The following VWA5B1 variants were observed in gnomAD, a reference collection of about 807,000 sequenced individuals.
The protein encoded by VWA5B1 is von Willebrand factor A domain-containing protein 5B1.
A neutral mutation model predicts 118.2 loss-of-function variants in VWA5B1; 115 were observed. The ratio of observed to expected loss-of-function variants is 0.97; its 90% confidence interval spans 0.84 to 1.14. VWA5B1 has a LOEUF of 1.14. VWA5B1 is among the 50% of genes most tolerant of loss of function. VWA5B1 has a pLI of 0.00. For synonymous variants in VWA5B1, 682 were observed against 658.4 expected, an observed-to-expected ratio of 1.04 and a Z score of -0.55; for missense variants, 1,596 against 1,603.8, an observed-to-expected ratio of 1.00 and a Z score of 0.08.
chr1:20,311,312 A>G (rs779464159), intron 2 of VWA5B1, among the ~76,000 whole-genome samples: 2 of 152,198 alleles, frequency 1.3e-5, no homozygotes, highest in Non-Finnish European at 2.9e-5. Flanking sequence ...CACTGTCCAC[A>G]GGTCAGTCCC....
chr1:20,307,181 A>G (rs1483575743), intron 1 of VWA5B1, among the ~76,000 whole-genome samples: 1 of 152,078 alleles, frequency 6.6e-6, no homozygotes. Flanking sequence ...GACAAGCCCC[A>G]CTCACACCAG....
In VWA5B1 at chr1:20,318,639, C is replaced by T; in HGVS notation, c.759C>T (p.Ala253=). The T allele has an allele frequency of 6.4e-7, 1 of 1,550,880 alleles. No individual in the cohort carries two copies. Among genetic ancestry groups the T allele is most frequent in the Non-Finnish European group, 8.7e-7 (1 of 1,146,594 alleles). Residue 253 remains alanine (A), a synonymous_variant, in exon 6 of 22, where the codon GCC becomes GCT. Transcript: ENST00000289815. ...TTCGTGCCGACGCCGCCCCATCTGC[C>T]CGCTCGGCCAAGAGCATCATCATCA... is the stretch of plus-strand genomic sequence containing the variant. ...HEIRADAAPS[A]RSAKSIIITL...
intron 17 of VWA5B1, among the ~76,000 whole-genome samples, chr1:20,347,902 G>GA (rs1186389717): frequency 6.6e-6 from 1 of 152,120 alleles, no homozygotes; most frequent in Non-Finnish European, 1.5e-5. Context: ...GAATGTTCCT[G>GA]AAAAAACTGG....
chr1:20,329,549 T>G (rs113591135), intron 9 of VWA5B1, among the ~76,000 whole-genome samples: 14 of 152,284 alleles, frequency 9.2e-5, no homozygotes, highest in African/African-American at 3.1e-4. Flanking sequence ...CCTCAAGTGA[T>G]CCACCTGCCT....
In VWA5B1 at chr1:20,319,446, C is replaced by T. The variant is rs1467089762; in HGVS notation, c.906C>T (p.His302=). The T allele has an allele frequency of 1.3e-6, 2 of 1,551,748 alleles. No homozygotes were observed. Among genetic ancestry groups the T allele is most frequent in the South Asian group, 1.2e-5 (1 of 84,058 alleles). Residue 302 remains histidine, a synonymous_variant, in exon 7 of 22, where the codon CAC becomes CAT. Transcript: ENST00000289815. ...GDMTLGEFDQ[H]LKGRTDFIKG... Reference sequence around the variant, plus strand: ...TGACCCTGGGAGAGTTTGACCAGCACTTGAAGGGAAGAACAGATTTCATTA... The same window carrying T: ...TGACCCTGGGAGAGTTTGACCAGCATTTGAAGGGAAGAACAGATTTCATTA...
chr1:20,315,368 G>A (rs1359205928), intron 4 of VWA5B1, among the ~76,000 whole-genome samples: 1 of 152,230 alleles, frequency 6.6e-6, no homozygotes, highest in South Asian at 2.1e-4. Context: ...CATTAAGAGG[G>A]TTTTTGACAG....
In VWA5B1 at chr1:20,291,361, C is replaced by CTTTCTT. The variant is rs1444209981; in HGVS notation, c.-27+274_-27+275insTTCTTT. ...TCTCTCTTTCTTTCTTTCTTTCTTT[C>CTTTCTT]TCTCTCTCTCTCTCTCTCTCTCTCT... is the stretch of plus-strand genomic sequence containing the variant. On this transcript the variant is annotated intron_variant, in intron 1 of 21. Transcript: ENST00000289815. 9.1e-3 allele frequency among the ~76,000 whole-genome samples: 1,239 copies of CTTTCTT among 135,676 alleles called. 17 individuals carry two copies. Among genetic ancestry groups the CTTTCTT allele is most frequent in the African/African-American group, 0.033 (1,151 of 34,566 alleles). 89.0% of individuals were successfully genotyped at this position (135,676 alleles called of 152,430 possible). A position where few individuals can be genotyped will look rare whatever the true frequency, so the allele number is the denominator to read the frequency against.
At chr1:20,347,805 G>A (rs2090039417) in intron 17 of VWA5B1, among the ~76,000 whole-genome samples, 1 of 151,732 alleles carries the variant, frequency 6.6e-6, no homozygotes, top group Admixed American at 6.6e-5. Context: ...AACCCCTCTT[G>A]GTGATGCCCT....
intron 12 of VWA5B1, among the ~76,000 whole-genome samples, chr1:20,333,435 C>T (rs2089628427): frequency 1.3e-5 from 2 of 152,228 alleles, no homozygotes; most frequent in Admixed American, 1.3e-4. Flanking sequence ...TAAGATCGTG[C>T]CATTGCACTC....
intron 1 of VWA5B1, among the ~76,000 whole-genome samples, chr1:20,306,696 C>T (rs1334682955): frequency 6.6e-6 from 1 of 152,100 alleles, no homozygotes; most frequent in Non-Finnish European, 1.5e-5. Flanking sequence ...ATGTCCTGCC[C>T]AGAAGGACAG....
intron 14 of VWA5B1, chr1:20,338,195 A>C (rs2089777795): frequency 2.4e-6 from 1 of 423,688 alleles, no homozygotes; most frequent in Non-Finnish European, 4.7e-6. Flanking sequence ...TAGGGCACTT[A>C]TCCAAGGTCA....
In VWA5B1 at chr1:20,310,700, C is replaced by T. The variant is rs1389306565; in HGVS notation, c.99C>T (p.Ala33=). The T allele has an allele frequency of 8.4e-6, 13 of 1,550,758 alleles. No homozygotes were observed. The South Asian group carries it at 1.1e-4, about 13-fold the overall frequency. Residue 33 remains alanine (A), a synonymous_variant, in exon 2 of 22, where the codon GCC becomes GCT. Transcript: ENST00000289815. ...GCGGTTATGCCCTGGGCCTAACTGC[C>T]TCCCTCACCTATGGCAACCTGGAAG... ...CVSGYALGLT[A]SLTYGNLEAQ... is the part of the protein sequence containing the mutation.
intron 21 of VWA5B1, 138 bp from the exon 22 acceptor site, chr1:20,353,619 C>A: frequency 8.8e-7 from 1 of 1,138,344 alleles, no homozygotes; most frequent in Non-Finnish European, 1.2e-6. Context: ...GATAGAGATG[C>A]TCAATTGACC....
At chr1:20,335,617 T>C (rs1222051846) in intron 12 of VWA5B1, among the ~76,000 whole-genome samples, 12 of 152,232 alleles carry the variant, frequency 7.9e-5, no homozygotes, top group Non-Finnish European at 2.9e-5. Flanking sequence ...AATTAACGCA[T>C]ATTTTGTGGG....
At chr1:20,335,183 C>T (rs2089677509) in intron 12 of VWA5B1, among the ~76,000 whole-genome samples, 1 of 152,092 alleles carries the variant, frequency 6.6e-6, no homozygotes, top group African/African-American at 2.4e-5. Flanking sequence ...GACGTGGTGG[C>T]ATATGCTTGT....
chr1:20,318,795 T>C, intron 6 of VWA5B1, 74 bp downstream of exon 6: 2 of 1,415,722 alleles, frequency 1.4e-6, no homozygotes, highest in East Asian at 2.7e-5. Context: ...GGACAGAACA[T>C]GTGGCCCCCC....
In VWA5B1 at chr1:20,346,701, T is replaced by C. The variant is rs111517340; in HGVS notation, c.2764+1108T>C. 5.0e-4 allele frequency among the ~76,000 whole-genome samples: 76 copies of C among 152,352 alleles called. 1 individual carries two copies. The highest frequency in any genetic ancestry group is 1.6e-3 in the African/African-American group (65 of 41,584). ...GATAGGTGAGAAGAGAATCTCTCTT[T>C]TGTCATTTTTTAATTGTGAGATGCT... On this transcript the variant is annotated intron_variant, in intron 17 of 21. Coordinates refer to ENST00000289815, the MANE Select transcript of VWA5B1 (RefSeq NM_001039500.3).
intron 16 of VWA5B1, among the ~76,000 whole-genome samples, chr1:20,344,752 T>G (rs1395349687): frequency 2.0e-5 from 3 of 152,212 alleles, no homozygotes; most frequent in Non-Finnish European, 4.4e-5. Flanking sequence ...AATAATATTA[T>G]TTTGTTTATA....
chr1:20,345,412 G>T, intron 16 of VWA5B1, 44 bp from the exon 17 acceptor site: 1 of 1,550,190 alleles, frequency 6.5e-7, no homozygotes, highest in East Asian at 2.4e-5. Flanking sequence ...TGTCAGGGAA[G>T]ACTTTCTGAG....
Sources: allele counts gnomAD v4.1 joint callset (sites outside exome capture counted in the v4.1 genomes callset), GRCh38; gene constraint gnomAD v4.1.1; transcripts MANE v1.5; gene names NCBI Gene and HGNC (gene_info 2026-07-23, HGNC 2026-07-21).